The following KLHL4 variants were observed in gnomAD, a reference collection of about 807,000 sequenced individuals.
KLHL4 encodes the protein kelch like family member 4.
KLHL4 carries 17 observed loss-of-function variants against 45.8 expected under a neutral mutation model. The ratio of observed to expected loss-of-function variants is 0.37; its 90% CI spans 0.25 to 0.56. The LOEUF (loss-of-function observed/expected upper bound fraction) is 0.56. Ranked by LOEUF, KLHL4 falls within the 20% of genes least tolerant of loss-of-function variation. The probability of loss-of-function intolerance (pLI) is 0.79; values close to 1 mark genes in which losing one functional copy is unlikely to be tolerated. For synonymous variants in KLHL4, 224 were observed against 189.9 expected, an observed-to-expected ratio of 1.18 and a Z score of -1.47; for missense variants, 544 against 544.9, an observed-to-expected ratio of 1.00 and a Z score of 0.02.
chrX:87,660,257 A>G lies in KLHL4; in HGVS notation c.1926-4507A>G, dbSNP rs368443112. Among the ~76,000 whole-genome samples the G allele has an allele frequency of 3.6e-5, 4 of 111,750 alleles. No homozygotes were observed. In the East Asian group the frequency reaches 1.1e-3, roughly 32 times the overall value. The stretch of plus-strand genomic sequence containing the variant: ...ACCAGAGAATGTACACAGATATTTT[A>G]AAAATCCATAATTGTATTCAACAAA... On this transcript the variant is annotated intron_variant, in intron 9 of 10. Coordinates refer to ENST00000373119, the MANE Select transcript of KLHL4 (RefSeq NM_019117.5).
At chrX:87,567,263 A>T (rs1932233544) in intron 1 of KLHL4, among the ~76,000 whole-genome samples, 1 of 111,309 alleles carries the variant, frequency 9.0e-6, no homozygotes, top group Non-Finnish European at 1.9e-5. Context: ...GCTCATTATG[A>T]TGGATACGAT....
At chrX:87,572,482 G>T (rs1331401963) in intron 1 of KLHL4, among the ~76,000 whole-genome samples, 1 of 110,700 alleles carries the variant, frequency 9.0e-6, no homozygotes, top group Non-Finnish European at 1.9e-5. Flanking sequence ...GAAGACATAT[G>T]TTCAATGTTT....
Position 87,601,386 on chromosome X carries a change from C to T in KLHL4, c.423-12491C>T, listed in dbSNP as rs765672620. ...AGCAGGTTGCCCACATGCATGGTGG[C>T]CTGCCAGCATGAGGGGCCACGTGCA... On this transcript the variant is annotated intron_variant, in intron 1 of 10. Coordinates refer to ENST00000373119, the MANE Select transcript of KLHL4 (RefSeq NM_019117.5). Among the ~76,000 whole-genome samples the T allele has an allele frequency of 3.6e-5, 4 of 111,512 alleles. No homozygotes were observed. In the South Asian group the frequency reaches 1.5e-3, roughly 43 times the overall value.
intron 9 of KLHL4, among the ~76,000 whole-genome samples, chrX:87,650,620 C>T (rs183872987): frequency 7.2e-4 from 81 of 112,076 alleles, no homozygotes; most frequent in African/African-American, 2.6e-3. Context: ...ATGATAGTAG[C>T]TCTTGGTTTT....
At chrX:87,648,749 A>T (rs1402046094) in intron 9 of KLHL4, among the ~76,000 whole-genome samples, 2 of 111,709 alleles carry the variant, frequency 1.8e-5, no homozygotes, top group Non-Finnish European at 3.8e-5. Flanking sequence ...GCACTTTAAA[A>T]ACTTTATTCT....
At chrX:87,571,101 C>G (rs959086115) in intron 1 of KLHL4, among the ~76,000 whole-genome samples, 1 of 110,670 alleles carries the variant, frequency 9.0e-6, no homozygotes, top group Non-Finnish European at 1.9e-5. Flanking sequence ...ATTTTATAAT[C>G]TGACAACTCA....
intron 1 of KLHL4, among the ~76,000 whole-genome samples, chrX:87,559,524 A>C (rs1932050683): frequency 8.9e-6 from 1 of 111,865 alleles, no homozygotes; most frequent in African/African-American, 3.2e-5. Flanking sequence ...AAGAAGGTAA[A>C]ATAATTCTGA....
chrX:87,520,660 C>A (rs1930982398), intron 1 of KLHL4, among the ~76,000 whole-genome samples: 1 of 111,490 alleles, frequency 9.0e-6, no homozygotes, highest in Non-Finnish European at 1.9e-5. Context: ...TATTGTGATC[C>A]CACACTGTGA....
At chrX:87,566,898 C>T (rs1051403287) in intron 1 of KLHL4, among the ~76,000 whole-genome samples, 2 of 110,851 alleles carry the variant, frequency 1.8e-5, no homozygotes, top group East Asian at 2.9e-4. Context: ...GAACAACACA[C>T]GATGAGGCGT....
chrX:87,606,810 G>A (rs55878618), intron 1 of KLHL4, among the ~76,000 whole-genome samples: 2 of 111,379 alleles, frequency 1.8e-5, no homozygotes, highest in South Asian at 3.7e-4. Context: ...TAAAAATGTA[G>A]AAACTATTTT....
intron 8 of KLHL4, 23 bp downstream of exon 8, chrX:87,633,934 G>A (rs1377679343): frequency 1.7e-6 from 2 of 1,172,221 alleles, no homozygotes; most frequent in Non-Finnish European, 2.3e-6. Flanking sequence ...AAACACACAT[G>A]TTCATTGCTC....
In KLHL4 at chrX:87,518,073, C is replaced by A; in HGVS notation, c.180C>A (p.Asn60Lys). The A allele has an allele frequency of 8.3e-7, 1 of 1,211,531 alleles. No individual in the cohort carries two copies. Among genetic ancestry groups the A allele is most frequent in the Non-Finnish European group, 1.1e-6 (1 of 895,405 alleles). The change falls in exon 1 of 11, where the codon AAC (asparagine) becomes AAA (lysine). Residue 60 changes from asparagine (N) to lysine (K), a missense_variant. By Grantham distance (94) the Asn-to-Lys change is moderately conservative. Transcript: ENST00000373119. Reference sequence around the variant, plus strand: ...TGAAGAGCCACTCTCGGGACAGAAACGGACTGAAGAAAAGCAACAGTCCTG... The same window carrying A: ...TGAAGAGCCACTCTCGGGACAGAAAAGGACTGAAGAAAAGCAACAGTCCTG... ...GRLKSHSRDR[N>K]GLKKSNSPVH...
At chrX:87,585,125 A>C (rs1409795773) in intron 1 of KLHL4, among the ~76,000 whole-genome samples, 1 of 111,724 alleles carries the variant, frequency 9.0e-6, no homozygotes, top group Non-Finnish European at 1.9e-5. Flanking sequence ...ACTCTAGAAT[A>C]ATATATCTGG....
chrX:87,532,309 C>T (rs897798259), intron 1 of KLHL4, among the ~76,000 whole-genome samples: 1 of 110,873 alleles, frequency 9.0e-6, no homozygotes, highest in South Asian at 3.8e-4. Context: ...GTTTTGGTAC[C>T]AGTACCATGC....
At chrX:87,661,366 A>G (rs1924182696) in intron 9 of KLHL4, among the ~76,000 whole-genome samples, 1 of 111,723 alleles carries the variant, frequency 9.0e-6, no homozygotes, top group Non-Finnish European at 1.9e-5. Context: ...TGGAATATAC[A>G]ACTATTTTAA....
chrX:87,568,076 CA>C (rs1273444108), intron 1 of KLHL4, among the ~76,000 whole-genome samples: 3 of 110,640 alleles, frequency 2.7e-5, no homozygotes, highest in East Asian at 2.9e-4. Context: ...ATAAATTATA[CA>C]AAAAAAGGAC....
chrX:87,633,220 C>A (rs943377226), intron 7 of KLHL4, among the ~76,000 whole-genome samples: 1 of 110,963 alleles, frequency 9.0e-6, no homozygotes, highest in Non-Finnish European at 1.9e-5. Context: ...AAAGCAGATG[C>A]GAAGCAGAAA....
At chrX:87,527,090 C>T (rs989896831) in intron 1 of KLHL4, among the ~76,000 whole-genome samples, 10 of 111,538 alleles carry the variant, frequency 9.0e-5, no homozygotes, top group Non-Finnish European at 1.5e-4. Context: ...GAACAAGAGA[C>T]GAAAATAGTC....
chrX:87,561,583 C>T (rs1267250279), intron 1 of KLHL4, among the ~76,000 whole-genome samples: 1 of 111,057 alleles, frequency 9.0e-6, no homozygotes, highest in African/African-American at 3.3e-5. Flanking sequence ...GTCACAAAGA[C>T]TGTAGTTCCT....
Sources: allele counts gnomAD v4.1 joint callset (sites outside exome capture counted in the v4.1 genomes callset), GRCh38; gene constraint gnomAD v4.1.1; transcripts MANE v1.5; gene names NCBI Gene and HGNC (gene_info 2026-07-23, HGNC 2026-07-21).